Variants in MYRIP observed in about 807,000 individuals in gnomAD.
MYRIP encodes myosin VIIA and Rab interacting protein, also known as rab effector MyRIP.
In MYRIP, 49 loss-of-function variants were observed where a neutral mutation model predicts 98.0. The ratio of observed to expected loss-of-function variants is 0.50; its 90% CI spans 0.40 to 0.63. MYRIP has a LOEUF of 0.63. MYRIP is among the 30% of genes least tolerant of loss of function. The probability of loss-of-function intolerance (pLI) is 0.00; values close to 1 mark genes in which losing one functional copy is unlikely to be tolerated. For synonymous variants in MYRIP, 404 were observed against 409.5 expected (o/e 0.99, Z 0.16); for missense variants, 1,004 against 1,058.2 (o/e 0.95, Z 0.71).
chr3:40,070,710 C>A (rs780215974), intron 3 of MYRIP, among the ~76,000 whole-genome samples: 7 of 152,136 alleles, frequency 4.6e-5, no homozygotes, highest in African/African-American at 9.7e-5. Flanking sequence ...CCATCCACCC[C>A]CTTACCACCC....
At chr3:39,839,591 A>G (rs1278360172) in intron 1 of MYRIP, among the ~76,000 whole-genome samples, 1 of 152,098 alleles carries the variant, frequency 6.6e-6, no homozygotes, top group Non-Finnish European at 1.5e-5. Context: ...TAGGATGTCA[A>G]TTTTAGCTCT....
intron 2 of MYRIP, among the ~76,000 whole-genome samples, chr3:40,040,121 A>C (rs892510386): frequency 6.6e-6 from 1 of 152,218 alleles, no homozygotes; most frequent in African/African-American, 2.4e-5. Context: ...AAATAAGGTA[A>C]TAGTTACAGA....
intron 3 of MYRIP, among the ~76,000 whole-genome samples, chr3:40,098,297 T>C (rs950677062): frequency 2.0e-5 from 3 of 152,228 alleles, no homozygotes; most frequent in Non-Finnish European, 4.4e-5. Context: ...TTTTCAAAGT[T>C]TTTATGTATA....
intron 4 of MYRIP, among the ~76,000 whole-genome samples, chr3:40,154,143 A>AG (rs1027290114): frequency 2.0e-5 from 3 of 151,734 alleles, no homozygotes; most frequent in Admixed American, 1.3e-4. Flanking sequence ...CGTCTCAAAA[A>AG]AAAAAAAAAA....
At chr3:39,817,426 TC>T (rs777118721) in intron 1 of MYRIP, among the ~76,000 whole-genome samples, 2 of 152,298 alleles carry the variant, frequency 1.3e-5, no homozygotes, top group African/African-American at 2.4e-5. Flanking sequence ...GGGAATTTAT[TC>T]CCCAAATATG....
intron 3 of MYRIP, among the ~76,000 whole-genome samples, chr3:40,094,775 A>T (rs1050163807): frequency 1.3e-5 from 2 of 152,226 alleles, no homozygotes; most frequent in African/African-American, 4.8e-5. Flanking sequence ...AGTAGACTGG[A>T]TTCAGGTATG....
intron 2 of MYRIP, among the ~76,000 whole-genome samples, chr3:39,983,033 AAAAC>A (rs552657079): frequency 2.9e-4 from 44 of 152,246 alleles, no homozygotes; most frequent in Middle Eastern, 3.2e-3. Context: ...TTTAAAATCT[AAAAC>A]AATCATAGAA....
intron 4 of MYRIP, among the ~76,000 whole-genome samples, chr3:40,161,822 G>A (rs918263266): frequency 6.6e-6 from 1 of 152,042 alleles, no homozygotes; most frequent in Non-Finnish European, 1.5e-5. Flanking sequence ...AGTAGCCACA[G>A]TGCACTTTTA....
chr3:40,084,407 T>C (rs1948562018), intron 3 of MYRIP, among the ~76,000 whole-genome samples: 2 of 139,530 alleles, frequency 1.4e-5, no homozygotes, highest in African/African-American at 2.6e-5. Flanking sequence ...TACACATCTA[T>C]GTATTATCTA....
At chr3:39,996,624 C>A (rs1353396517) in intron 2 of MYRIP, among the ~76,000 whole-genome samples, 1 of 152,088 alleles carries the variant, frequency 6.6e-6, no homozygotes, top group Non-Finnish European at 1.5e-5. Flanking sequence ...GACAGATCAA[C>A]GAGACAGAAA....
At chr3:40,056,207 G>A (rs1417593753) in intron 3 of MYRIP, among the ~76,000 whole-genome samples, 3 of 152,050 alleles carry the variant, frequency 2.0e-5, no homozygotes, top group African/African-American at 7.2e-5. Context: ...AGCTAGTTAG[G>A]GCAAGGGGAT....
intron 3 of MYRIP, among the ~76,000 whole-genome samples, chr3:40,058,708 A>G: frequency 6.8e-6 from 1 of 146,988 alleles, no homozygotes; most frequent in East Asian, 2.0e-4. Context: ...GATAATCACC[A>G]TTTTGAACAT....
intron 3 of MYRIP, among the ~76,000 whole-genome samples, chr3:40,063,948 A>G (rs934871083): frequency 2.0e-5 from 3 of 152,112 alleles, no homozygotes; most frequent in African/African-American, 7.2e-5. Context: ...AGGGGAAGGG[A>G]TGCATGCGCT....
chr3:39,952,646 G>A (rs1033319954), intron 2 of MYRIP, among the ~76,000 whole-genome samples: 6 of 152,070 alleles, frequency 3.9e-5, no homozygotes, highest in African/African-American at 1.4e-4. Context: ...GGCTAATACC[G>A]CCTCATAGAA....
intron 4 of MYRIP, among the ~76,000 whole-genome samples, chr3:40,158,933 G>A (rs1346055734): frequency 2.0e-5 from 3 of 152,008 alleles, no homozygotes; most frequent in African/African-American, 7.3e-5. Flanking sequence ...ACACTGATGG[G>A]TCTTGACTCT....
intron 12 of MYRIP, 78 bp from the exon 13 acceptor site, chr3:40,244,368 T>C (rs1953116743): frequency 1.5e-6 from 2 of 1,337,744 alleles, no homozygotes; most frequent in East Asian, 2.5e-5. Flanking sequence ...TCCCCTGAAT[T>C]GCTGGGGTCC....
chr3:40,107,310 C>G (rs1463749965), intron 3 of MYRIP, among the ~76,000 whole-genome samples: 1 of 152,202 alleles, frequency 6.6e-6, no homozygotes, highest in Admixed American at 6.5e-5. Flanking sequence ...TGGTTTAATG[C>G]TCTGCTGTTG....
At chr3:40,197,467 T>C (rs1951427304) in intron 10 of MYRIP, among the ~76,000 whole-genome samples, 8 of 152,200 alleles carry the variant, frequency 5.3e-5, no homozygotes, top group Admixed American at 4.6e-4. Flanking sequence ...CTGATGGACA[T>C]AGATGGGCTA....
chr3:39,952,139 G>A (rs1296247189), intron 2 of MYRIP, among the ~76,000 whole-genome samples: 1 of 152,044 alleles, frequency 6.6e-6, no homozygotes, highest in Non-Finnish European at 1.5e-5. Context: ...CATATGTATA[G>A]GATATAATAC....
Sources: allele counts gnomAD v4.1 joint callset (sites outside exome capture counted in the v4.1 genomes callset), GRCh38; gene constraint gnomAD v4.1.1; transcripts MANE v1.5; gene names NCBI Gene and HGNC (gene_info 2026-07-23, HGNC 2026-07-21).